THOP1: variants seen among roughly 807,000 people sequenced by gnomAD.
THOP1 encodes the protein thimet oligopeptidase 1.
Under a neutral mutation model 71.8 loss-of-function variants are expected in THOP1, and 49 were observed. The ratio of observed to expected loss-of-function variants is 0.68; its 90% CI spans 0.54 to 0.87. THOP1 has a LOEUF of 0.87. Ranked by LOEUF, THOP1 falls within the 40% of genes least tolerant of loss-of-function variation. THOP1 has a pLI of 0.00. For synonymous variants in THOP1, 426 were observed against 421.5 expected (o/e 1.01, Z -0.13); for missense variants, 843 against 975.6 (o/e 0.86, Z 1.81).
intron 4 of THOP1, among the ~76,000 whole-genome samples, chr19:2,797,815 C>T (rs1916055199): frequency 6.6e-6 from 1 of 152,176 alleles, no homozygotes; most frequent in South Asian, 2.1e-4. Flanking sequence ...CCATGGCTGT[C>T]CCTGTTCCGG....
intron 1 of THOP1, among the ~76,000 whole-genome samples, chr19:2,787,189 G>A (rs1375227466): frequency 6.6e-6 from 1 of 152,104 alleles, no homozygotes; most frequent in Non-Finnish European, 1.5e-5. Context: ...ATGAGCCACC[G>A]TGCCCGGCCT....
chr19:2,808,566 C>A, intron 9 of THOP1, 122 bp downstream of exon 9: 1 of 1,110,840 alleles, frequency 9.0e-7, no homozygotes, highest in South Asian at 1.7e-5. Context: ...GTGGCTCCTT[C>A]ATCCAATGCC....
intron 11 of THOP1, 75 bp from the exon 12 acceptor site, chr19:2,811,523 G>A: frequency 6.5e-7 from 1 of 1,549,386 alleles, no homozygotes; most frequent in South Asian, 1.2e-5. Flanking sequence ...TCAGGAGTCT[G>A]GCTGGTTGTC....
At chr19:2,793,745 C>T (rs911536543) in intron 2 of THOP1, among the ~76,000 whole-genome samples, 1 of 152,210 alleles carries the variant, frequency 6.6e-6, no homozygotes, top group African/African-American at 2.4e-5. Flanking sequence ...GCTTCTTTCT[C>T]TGCATGTGAC....
intron 1 of THOP1, among the ~76,000 whole-genome samples, chr19:2,788,783 T>C (rs1915809066): frequency 6.7e-6 from 1 of 150,004 alleles, no homozygotes; most frequent in African/African-American, 2.5e-5. Flanking sequence ...CCGGCCAAGA[T>C]GGAGTCTTGC....
Position 2,805,317 on chromosome 19 carries a change from A to G in THOP1, c.750+141A>G, listed in dbSNP as rs1265053358. On this transcript the variant is annotated intron_variant, in intron 6 of 12. Transcript: ENST00000307741. The surrounding 1 kb of genome is among the most constrained non-coding windows in gnomAD (Gnocchi z 6.6). ...CCTGGCCAGGCCCAGTGGCCAGCAG[A>G]GGCCTCCCTGTGGGGCTCTGCCGTG... is the stretch of plus-strand genomic sequence containing the variant. The G allele has an allele frequency of 6.6e-6, 7 of 1,059,590 alleles. No individual in the cohort carries two copies. Among genetic ancestry groups the G allele is most frequent in the Admixed American group, 2.9e-5 (1 of 34,952 alleles). The allele number at this position is 1,059,590 out of a possible 1,614,324, so 65.6% of individuals were successfully genotyped here.
rs370888477 is a variant in THOP1, at chr19:2,809,898, C to A, written c.1456-406C>A. 4.2e-5 allele frequency: 9 copies of A among 213,910 alleles called. No homozygotes were observed. In the South Asian group the frequency reaches 8.4e-4, roughly 20 times the overall value. 13.3% of individuals were successfully genotyped at this position (213,910 alleles called of 1,614,324 possible). On this transcript the variant is annotated intron_variant, in intron 9 of 12. Transcript: ENST00000307741. ...TGCCATGGTTCCAGCGGGACTCAGT[C>A]AAGGGCTGTGCTTTTAGGGAAGGTT... is the stretch of plus-strand genomic sequence containing the variant.
rs1413925591 is a variant in THOP1, at chr19:2,815,655, C to T, written c.*2379C>T. 6.6e-6 allele frequency: 1 copy of T among 152,554 alleles called. No individual in the cohort carries two copies. The highest frequency in any genetic ancestry group is 1.5e-5 in the Non-Finnish European group (1 of 68,346). The allele number at this position is 152,554 out of a possible 1,614,324, so 9.5% of individuals were successfully genotyped here. ...AGAGCTGCTGTGTCTCCTGGCTCCT[C>T]TGCCCCATGCTCCCCACTCAGGGCT... On this transcript the variant is annotated 3_prime_UTR_variant, in exon 13 of 13. Transcript: ENST00000307741.
intron 5 of THOP1, among the ~76,000 whole-genome samples, chr19:2,803,083 A>G (rs1008754063): frequency 6.6e-6 from 1 of 152,164 alleles, no homozygotes; most frequent in Non-Finnish European, 1.5e-5. Context: ...ACTGTTGGAC[A>G]TGTGATGTCG....
At position 2,792,686 on chromosome 19, in the gene THOP1, G is replaced by T. The variant is rs571777069; in HGVS notation, c.229+2053G>T. On this transcript the variant is annotated intron_variant, in intron 2 of 12. Transcript: ENST00000307741. The stretch of plus-strand genomic sequence containing the variant: ...TTTTTGTTTTTTTAGAATGAGTCTC[G>T]CTCTGTCACCCAGGTTGGAGTGCAT... 1.4e-3 allele frequency among the ~76,000 whole-genome samples: 203 copies of T among 149,506 alleles called. 1 individual carries two copies. The highest frequency in any genetic ancestry group is 4.6e-3 in the African/African-American group (187 of 40,574).
chr19:2,791,715 G>C (rs1477246307), intron 2 of THOP1, among the ~76,000 whole-genome samples: 2 of 152,188 alleles, frequency 1.3e-5, no homozygotes. Context: ...AGCGGTGCCA[G>C]GCATCATTTC....
In THOP1 at chr19:2,801,866, C is replaced by T. The variant is rs1408377066; in HGVS notation, c.589+2075C>T. 6.6e-6 allele frequency among the ~76,000 whole-genome samples: 1 copy of T among 151,388 alleles called. No homozygotes were observed. Among genetic ancestry groups the T allele is most frequent in the Non-Finnish European group, 1.5e-5 (1 of 67,542 alleles). ...ACATTAACCCATCTGTCCCTTCATC[C>T]ATGAATCCATGAATGGATTCATCCA... On this transcript the variant is annotated intron_variant, in intron 5 of 12. Coordinates refer to ENST00000307741, the MANE Select transcript of THOP1 (RefSeq NM_003249.5). The surrounding 1 kb of genome is among the most constrained non-coding windows in gnomAD (Gnocchi z 5.1).
In THOP1 at chr19:2,804,721, C is replaced by G. The variant is rs1916247777; in HGVS notation, c.590-295C>G. The G allele has an allele frequency of 3.0e-6, 1 of 332,856 alleles. No homozygotes were observed. Among genetic ancestry groups the G allele is most frequent in the African/African-American group, 2.2e-5 (1 of 46,464 alleles). 20.6% of individuals were successfully genotyped at this position (332,856 alleles called of 1,614,324 possible). A position where few individuals can be genotyped will look rare whatever the true frequency, so the allele number is the denominator to read the frequency against. ...TGGGCTGGATTTAGCTTTAACCTCT[C>G]TGGGGCAGGAGATCCTGCTCTGAGG... On this transcript the variant is annotated intron_variant, in intron 5 of 12. Transcript: ENST00000307741. This position sits in a 1 kb window ranked among gnomAD's most constrained non-coding sequence, Gnocchi z 4.7.
At chr19:2,796,291 G>A (rs2144764234) in intron 4 of THOP1, 103 bp downstream of exon 4, 2 of 925,914 alleles carry the variant, frequency 2.2e-6, no homozygotes, top group South Asian at 1.5e-5. Context: ...GGAGCAAGAA[G>A]CGCAGGGCAG....
At chr19:2,790,351 G>T in intron 1 of THOP1, 70 bp from the exon 2 acceptor site, 1 of 1,398,320 alleles carries the variant, frequency 7.2e-7, no homozygotes, top group Non-Finnish European at 9.6e-7. Flanking sequence ...CTTTCCCTCT[G>T]CCCTCCTGAC....
Position 2,804,548 on chromosome 19 carries a change from G to C in THOP1, c.590-468G>C, listed in dbSNP as rs1438383282. ...CTCCGCCCAGGGCCCAGCGTGCTCAGCTCTCCTGCTGTTTTTGTCTTTGAT... is the reference window on the plus strand; with the variant it reads ...CTCCGCCCAGGGCCCAGCGTGCTCACCTCTCCTGCTGTTTTTGTCTTTGAT... On this transcript the variant is annotated intron_variant, in intron 5 of 12. Transcript: ENST00000307741. This position sits in a 1 kb window ranked among gnomAD's most constrained non-coding sequence, Gnocchi z 4.7. 6.4e-6 allele frequency: 1 copy of C among 156,284 alleles called. No homozygotes were observed. The highest frequency in any genetic ancestry group is 3.2e-3 in the Middle Eastern group (1 of 308). 9.7% of individuals were successfully genotyped at this position (156,284 alleles called of 1,614,324 possible).
chr19:2,793,667 G>A (rs1052246174), intron 2 of THOP1, among the ~76,000 whole-genome samples: 11 of 152,180 alleles, frequency 7.2e-5, no homozygotes, highest in African/African-American at 2.7e-4. Context: ...TCCAGCTTGG[G>A]CAACAGAGTG....
intron 3 of THOP1, among the ~76,000 whole-genome samples, chr19:2,795,785 T>C (rs1168495391): frequency 6.6e-6 from 1 of 152,026 alleles, no homozygotes; most frequent in African/African-American, 2.4e-5. Flanking sequence ...AAAACTATGG[T>C]GTCATCTACA....
chr19:2,799,267 G>T (rs573257532), intron 4 of THOP1, among the ~76,000 whole-genome samples: 7 of 152,238 alleles, frequency 4.6e-5, no homozygotes, highest in Non-Finnish European at 7.3e-5. Flanking sequence ...TGAGGCTGCA[G>T]TGAGTCGAGA....
Sources: allele counts gnomAD v4.1 joint callset (sites outside exome capture counted in the v4.1 genomes callset), GRCh38; gene constraint gnomAD v4.1.1; non-coding constraint Gnocchi (gnomAD v3.1); transcripts MANE v1.5; gene names NCBI Gene and HGNC (gene_info 2026-07-23, HGNC 2026-07-21).